CELF2: variants seen among roughly 807,000 people sequenced by gnomAD.
CELF2 encodes CUG triplet repeat RNA-binding protein 2.
Under a neutral mutation model 62.6 loss-of-function variants are expected in CELF2, and 8 were observed. The ratio of observed to expected loss-of-function variants is 0.13; its 90% CI spans 0.07 to 0.23. The LOEUF (loss-of-function observed/expected upper bound fraction) is 0.23. CELF2 is among the 10% of genes least tolerant of loss of function. The pLI is 1.00. For missense variants in CELF2, 333 were observed against 671.0 expected, an observed-to-expected ratio of 0.50 and a Z score of 5.56; for synonymous variants, 258 against 250.0, an observed-to-expected ratio of 1.03 and a Z score of -0.30.
At chr10:11,005,256 G>GAT, upstream of CELF2, 14 of 336,068 alleles carry the variant, frequency 4.2e-5, no homozygotes, top group Non-Finnish European at 5.2e-5. This position sits in a 1 kb window ranked among gnomAD's most constrained non-coding sequence, Gnocchi z 4.3. Context: ...GAGAGAGAGG[G>GAT]AGAGAGAGAG....
intron 2 of CELF2, among the ~76,000 whole-genome samples, chr10:11,209,756 C>T (rs1483624135): frequency 6.7e-6 from 1 of 149,620 alleles, no homozygotes; most frequent in Non-Finnish European, 1.5e-5. Flanking sequence ...GCACAAAATG[C>T]CCCACTTAGA....
At chr10:11,174,584 TAGGG>T (rs1199037229) in intron 2 of CELF2, among the ~76,000 whole-genome samples, 1 of 152,176 alleles carries the variant, frequency 6.6e-6, no homozygotes, top group African/African-American at 2.4e-5. Context: ...AAATAGGAAT[TAGGG>T]AGAAGAATTA....
the CELF2 span, among the ~76,000 whole-genome samples, chr10:10,691,688 T>C: frequency 5.4e-5 from 8 of 148,132 alleles, no homozygotes; most frequent in African/African-American, 2.0e-4. Context: ...GACTTTTTAA[T>C]GATAGCCATT....
intron 2 of CELF2, among the ~76,000 whole-genome samples, chr10:11,205,998 A>T (rs542261224): frequency 6.6e-6 from 1 of 152,344 alleles, no homozygotes; most frequent in Admixed American, 6.5e-5. Context: ...GAGGAAGTAG[A>T]TTATGACGTC....
chr10:11,320,826 G>GTTTTT, intron 10 of CELF2: 1 of 1,391,278 alleles, frequency 7.2e-7, no homozygotes, highest in South Asian at 1.3e-5. Context: ...TGCTACTAAG[G>GTTTTT]TTTTTTTTTT....
At chr10:10,703,637 T>C in the CELF2 span, among the ~76,000 whole-genome samples, 1 of 152,210 alleles carries the variant, frequency 6.6e-6, no homozygotes, top group South Asian at 2.1e-4. Flanking sequence ...GGTTCTAATG[T>C]ACAGCTAGGG....
intron 4 of CELF2, among the ~76,000 whole-genome samples, chr10:11,254,628 C>T (rs1194185120): frequency 6.6e-6 from 1 of 152,176 alleles, no homozygotes; most frequent in Non-Finnish European, 1.5e-5. Context: ...CTCCCTGAAG[C>T]TCAAAACCTG....
At chr10:10,512,056 G>A in the CELF2 span, among the ~76,000 whole-genome samples, 69 of 152,288 alleles carry the variant, frequency 4.5e-4, no homozygotes, top group Admixed American at 7.2e-4. Flanking sequence ...TATTCCAGAA[G>A]GACTATGAGG....
chr10:10,821,293 A>G (rs2056940867), intron 1 of CELF2, among the ~76,000 whole-genome samples: 1 of 151,930 alleles, frequency 6.6e-6, no homozygotes, highest in Admixed American at 6.6e-5. Context: ...TCTAGACCTC[A>G]CTTGTGTAGA....
chr10:11,137,924 G>A (rs944225371), intron 1 of CELF2, among the ~76,000 whole-genome samples: 1 of 152,146 alleles, frequency 6.6e-6, no homozygotes, highest in Admixed American at 6.5e-5. Flanking sequence ...ACGTTGTTTA[G>A]TCATTCATAG....
intron 1 of CELF2, among the ~76,000 whole-genome samples, chr10:10,801,987 C>G (rs544785479): frequency 6.6e-6 from 1 of 152,272 alleles, no homozygotes; most frequent in East Asian, 1.9e-4. Flanking sequence ...TAATGACTGT[C>G]TACCCCAAGG....
rs531383073 is a variant in CELF2, at chr10:11,268,407, C to T, written c.618+1730C>T. Among the ~76,000 whole-genome samples the T allele has an allele frequency of 6.6e-6, 1 of 152,006 alleles. No homozygotes were observed. The highest frequency in any genetic ancestry group is 6.6e-5 in the Admixed American group (1 of 15,258). ...CGATCCCCATTCCTTCCCTTGGAGC[C>T]CCCCCAGTAATGCTCAGAGAGCCAC... On this transcript the variant is annotated intron_variant, in intron 6 of 12. Transcript: ENST00000633077. The surrounding 1 kb of genome is among the most constrained non-coding windows in gnomAD (Gnocchi z 4.7).
chr10:10,604,785 C>T, the CELF2 span, among the ~76,000 whole-genome samples: 2 of 152,130 alleles, frequency 1.3e-5, no homozygotes, highest in Non-Finnish European at 2.9e-5. Flanking sequence ...ATAACTTAAT[C>T]CTTATATGAA....
chr10:10,752,568 TA>T, the CELF2 span, among the ~76,000 whole-genome samples: 2 of 146,036 alleles, frequency 1.4e-5, no homozygotes, highest in Admixed American at 6.9e-5. Context: ...TGCATGCCTG[TA>T]ATCCCAGCTA....
chr10:10,808,905 C>T (rs908970705), intron 1 of CELF2, among the ~76,000 whole-genome samples: 7 of 152,252 alleles, frequency 4.6e-5, no homozygotes, highest in Non-Finnish European at 5.9e-5. Context: ...TGAGTCCATA[C>T]GCTATTGATA....
rs899352867 is a variant in CELF2 at position 11,117,741 on chromosome 10, G to T, written c.75-47745G>T. On this transcript the variant is annotated intron_variant, in intron 1 of 12. Coordinates refer to ENST00000633077, the MANE Select transcript of CELF2 (RefSeq NM_001326342.2). The surrounding 1 kb of genome is among the most constrained non-coding windows in gnomAD (Gnocchi z 4.1). ...GTGACTCTCCAGAGAGGGTACCCTT[G>T]AGTGGCTCTTCCACTGACCCCGGAA... Among the ~76,000 whole-genome samples the T allele has an allele frequency of 1.3e-5, 2 of 152,176 alleles. No homozygotes were observed. The highest frequency in any genetic ancestry group is 2.9e-5 in the Non-Finnish European group (2 of 68,022).
At chr10:10,775,627 T>A in the CELF2 span, among the ~76,000 whole-genome samples, 61 of 98,218 alleles carry the variant, frequency 6.2e-4, no homozygotes, top group African/African-American at 8.1e-4. Flanking sequence ...AAAAAAAAAA[T>A]ATATATATAG....
At chr10:11,188,752 T>C (rs1188150754) in intron 2 of CELF2, among the ~76,000 whole-genome samples, 1 of 152,252 alleles carries the variant, frequency 6.6e-6, no homozygotes, top group Non-Finnish European at 1.5e-5. Context: ...TCAACTCTCC[T>C]TGTAGACTCA....
chr10:10,784,133 C>T, the CELF2 span, among the ~76,000 whole-genome samples: 3 of 152,174 alleles, frequency 2.0e-5, no homozygotes, highest in Non-Finnish European at 2.9e-5. Context: ...GGGAGAGTTC[C>T]CTGAACCCCC....
Sources: gnomAD v4.1 joint callset for allele counts (sites outside exome capture counted in the v4.1 genomes callset) on GRCh38, gnomAD v4.1.1 for gene constraint, Gnocchi (gnomAD v3.1) non-coding constraint, MANE v1.5 for transcripts, NCBI Gene and HGNC (gene_info 2026-07-23, HGNC 2026-07-21) for gene names.